Variants in YKT6 observed in about 807,000 individuals in gnomAD.
The protein encoded by YKT6 is synaptobrevin homolog YKT6.
YKT6 carries 12 observed loss-of-function variants against 29.3 expected under a neutral mutation model. That is an observed-to-expected ratio of 0.41 (90% CI 0.26 to 0.66). YKT6 has a LOEUF of 0.66. Ranked by LOEUF, YKT6 falls within the 30% of genes least tolerant of loss-of-function variation. The pLI is 0.32. For missense variants in YKT6, 188 were observed against 243.8 expected (o/e 0.77, Z 1.52); for synonymous variants, 86 against 94.3 (o/e 0.91, Z 0.51).
intron 5 of YKT6, among the ~76,000 whole-genome samples, chr7:44,209,240 T>C (rs2096344184): frequency 6.6e-6 from 1 of 152,026 alleles, no homozygotes; most frequent in Admixed American, 6.5e-5. Context: ...TCTCCTGGGG[T>C]TGGAGTTGTT....
rs1209010661 is a variant in YKT6, at chr7:44,207,458, A to T, written c.359A>T (p.Tyr120Phe). The T allele has an allele frequency of 7.4e-6, 12 of 1,614,098 alleles. No homozygotes were observed. The East Asian group carries it at 2.7e-4, about 36-fold the overall frequency. The change falls in exon 4 of 7, where the codon TAC becomes TTC. Residue 120 changes from tyrosine to phenylalanine, a missense_variant. Physicochemically the swap from Tyr to Phe is conservative, Grantham distance 22. This residue lies in a region of YKT6 where 100 missense variants were observed against 136.3 expected (regional missense o/e 0.73). Transcript: ENST00000223369. ...GTAGGATCCCCTGCTACAATCCATT[A>T]CCCAGCCCTGGATGGTCACCTCAGT... ...WPVGSPATIH[Y>F]PALDGHLSRY...
In YKT6 at chr7:44,207,511, T is replaced by G; in HGVS notation, c.393+19T>G. 6.2e-7 allele frequency: 1 copy of G among 1,608,696 alleles called. No individual in the cohort carries two copies. The highest frequency in any genetic ancestry group is 8.5e-7 in the Non-Finnish European group (1 of 1,175,382). ...ATACCAGGTAGGGTTAAAGGAAGCT[T>G]CAGCAGACACCATGTGGCCCAGAAT... On this transcript the variant is annotated intron_variant, in intron 4 of 6. Coordinates refer to ENST00000223369, the MANE Select transcript of YKT6 (RefSeq NM_006555.4).
chr7:44,212,113 C>T (rs1562744929), intron 6 of YKT6, 134 bp from the exon 7 acceptor site: 3 of 1,065,128 alleles, frequency 2.8e-6, no homozygotes, highest in African/African-American at 1.6e-5. Context: ...AAGGCCTCCA[C>T]CCCCACCCTG....
chr7:44,203,561 C>G (rs1015260663), intron 1 of YKT6, among the ~76,000 whole-genome samples: 1 of 152,196 alleles, frequency 6.6e-6, no homozygotes, highest in Admixed American at 6.5e-5. Flanking sequence ...AATGCTGTCT[C>G]TAGGTTTACT....
intron 5 of YKT6, 169 bp from the exon 6 acceptor site, chr7:44,210,854 C>T: frequency 2.9e-6 from 2 of 686,082 alleles, no homozygotes; most frequent in Non-Finnish European, 5.3e-6. Flanking sequence ...TCTGTTCCAT[C>T]CACTTGGACA....
intron 3 of YKT6, 94 bp from the exon 4 acceptor site, chr7:44,207,294 C>T: frequency 2.0e-6 from 2 of 1,022,386 alleles, no homozygotes; most frequent in South Asian, 1.5e-5. Context: ...CAAGGAGCCT[C>T]ATTCAGGGTG....
chr7:44,208,313 C>T, intron 5 of YKT6, 115 bp downstream of exon 5: 2 of 1,181,366 alleles, frequency 1.7e-6, no homozygotes, highest in Admixed American at 2.0e-5. Flanking sequence ...CGGCACTCTC[C>T]AGCAAGTGGG....
chr7:44,212,432 G>C lies in YKT6; in HGVS notation c.*150G>C. 1 of 965,796 alleles carries C rather than the reference G, an allele frequency of 1.0e-6. No individual in the cohort carries two copies. The highest frequency in any genetic ancestry group is 2.5e-5 in the East Asian group (1 of 40,494). 59.8% of individuals were successfully genotyped at this position (965,796 alleles called of 1,614,324 possible). A position where few individuals can be genotyped will look rare whatever the true frequency, so the allele number is the denominator to read the frequency against. On this transcript the variant is annotated 3_prime_UTR_variant, in exon 7 of 7. Coordinates refer to ENST00000223369, the MANE Select transcript of YKT6 (RefSeq NM_006555.4). ...TTGAAGTTCCTGCGAGAAATGGATG[G>C]TGGAAGGGTGGCGAATGTTCAAATT...
chr7:44,211,535 T>A, intron 6 of YKT6: 1 of 1,009,718 alleles, frequency 9.9e-7, no homozygotes, highest in Non-Finnish European at 1.2e-6. Context: ...TTCTTAAGCT[T>A]TTAATTTCCC....
chr7:44,211,258 C>A, intron 6 of YKT6, 134 bp downstream of exon 6: 1 of 893,488 alleles, frequency 1.1e-6, no homozygotes, highest in Non-Finnish European at 1.7e-6. Flanking sequence ...CCTTGTGCGG[C>A]AAGAGCCTAA....
chr7:44,210,708 A>G (rs895911597), intron 5 of YKT6: 16 of 422,892 alleles, frequency 3.8e-5, no homozygotes, highest in Non-Finnish European at 7.4e-5. Flanking sequence ...ACAAATGTAT[A>G]TATAAATGTG....
rs1174763015 is a variant in YKT6, at chr7:44,212,272, C to T, written c.587C>T (p.Ala196Val). 2 of 1,613,944 alleles carry T rather than the reference C, an allele frequency of 1.2e-6. No homozygotes were observed. Among genetic ancestry groups the T allele is most frequent in the South Asian group, 2.2e-5 (2 of 91,062 alleles). Residue 196 changes from alanine (A) to valine (V), a missense_variant, in exon 7 of 7, where the codon GCC (alanine) becomes GTC (valine). By Grantham distance (64) the Ala-to-Val change is moderately conservative. Transcript: ENST00000223369. ...GCCCGGAAACAAAACTCATGCTGTG[C>T]CATCATGTGATGCAGCCTGCCAGAG... The part of the protein sequence containing the change: ...KTARKQNSCC[A>V]IM
At chr7:44,205,036 A>AT (rs998820962) in intron 2 of YKT6, among the ~76,000 whole-genome samples, 1 of 152,090 alleles carries the variant, frequency 6.6e-6, no homozygotes, top group South Asian at 2.1e-4. Context: ...TGAAAAAACT[A>AT]TTTTTTCTTT....
intron 1 of YKT6, 50 bp from the exon 2 acceptor site, chr7:44,204,518 G>A: frequency 1.3e-6 from 2 of 1,587,090 alleles, no homozygotes; most frequent in East Asian, 2.2e-5. Context: ...CCACTGTGTT[G>A]GGGACAAGGT....
At chr7:44,205,007 G>T (rs998240428) in intron 2 of YKT6, among the ~76,000 whole-genome samples, 2 of 152,196 alleles carry the variant, frequency 1.3e-5, no homozygotes, top group African/African-American at 4.8e-5. Context: ...GTGCATCGTA[G>T]ATTTTTTGAT....
Position 44,207,406 on chromosome 7 carries a change from A to G in YKT6, c.307A>G (p.Lys103Glu). The change falls in exon 4 of 7, where the codon AAG becomes GAG. Residue 103 changes from lysine to glutamate, a missense_variant. Lys to Glu is a moderately conservative substitution (Grantham distance 56). Around this residue, in one of 3 missense-constraint regions of YKT6, gnomAD observed 100 missense variants for 136.3 expected, o/e 0.73. Coordinates refer to ENST00000223369, the MANE Select transcript of YKT6 (RefSeq NM_006555.4). ...LLEKVLDEFS[K>E]QVDRIDWPVG... ...CTTGCAGGTACTAGATGAATTCTCCAAGCAAGTCGACAGGATAGACTGGCC... is the reference window on the plus strand; with the variant it reads ...CTTGCAGGTACTAGATGAATTCTCCGAGCAAGTCGACAGGATAGACTGGCC... 1 of 1,614,012 alleles carries G rather than the reference A, an allele frequency of 6.2e-7. No individual in the cohort carries two copies. Among genetic ancestry groups the G allele is most frequent in the Non-Finnish European group, 8.5e-7 (1 of 1,179,932 alleles).
intron 2 of YKT6, among the ~76,000 whole-genome samples, chr7:44,205,498 C>T (rs1336034357): frequency 6.6e-6 from 1 of 152,226 alleles, no homozygotes; most frequent in Non-Finnish European, 1.5e-5. Flanking sequence ...CCTCCTCATT[C>T]TTGTTCTCAT....
At position 44,206,156 on chromosome 7, in the gene YKT6, C is replaced by T. The variant is rs564850720; in HGVS notation, c.188-229C>T. ...GCTGTTTCTTTAAGCCCTGGCTTTG[C>T]ATACTGGGCCTCTGGGTATTTACTG... On this transcript the variant is annotated intron_variant, in intron 2 of 6. Coordinates refer to ENST00000223369, the MANE Select transcript of YKT6 (RefSeq NM_006555.4). Among the ~76,000 whole-genome samples the T allele has an allele frequency of 1.1e-4, 17 of 152,318 alleles. 1 individual carries two copies. Among genetic ancestry groups the T allele is most frequent in the African/African-American group, 4.1e-4 (17 of 41,576 alleles).
chr7:44,204,463 C>A, intron 1 of YKT6, 105 bp from the exon 2 acceptor site: 1 of 1,039,510 alleles, frequency 9.6e-7, no homozygotes, highest in Non-Finnish European at 1.4e-6. Flanking sequence ...AGGAATGAAA[C>A]CAAGAAGCAA....
Sources: gnomAD v4.1 joint callset for allele counts (sites outside exome capture counted in the v4.1 genomes callset) on GRCh38, gnomAD v4.1.1 for gene constraint, gnomAD v4.1.1 regional missense constraint, MANE v1.5 for transcripts, NCBI Gene and HGNC (gene_info 2026-07-23, HGNC 2026-07-21) for gene names.